The following EXTL3 variants were observed in gnomAD, a reference collection of about 807,000 sequenced individuals.
EXTL3 encodes exostosin-like 3.
A neutral mutation model predicts 69.3 loss-of-function variants in EXTL3; 27 were observed. The ratio of observed to expected loss-of-function variants is 0.39; its 90% CI spans 0.29 to 0.54. The LOEUF (loss-of-function observed/expected upper bound fraction) is 0.54, where lower values mean the gene tolerates loss of function less well. Ranked by LOEUF, EXTL3 falls within the 20% of genes least tolerant of loss-of-function variation. The pLI is 0.69. For missense variants in EXTL3, 1,003 were observed against 1,231.8 expected (o/e 0.81, Z 2.78); for synonymous variants, 511 against 499.4 (o/e 1.02, Z -0.31).
chr8:28,722,487 A>G (rs1054833343), intron 3 of EXTL3, among the ~76,000 whole-genome samples: 1 of 152,134 alleles, frequency 6.6e-6, no homozygotes. Flanking sequence ...CCAAATGAAA[A>G]TGATAGTGCC....
At chr8:28,699,132 G>GCACTACTA (rs1800731826), upstream of EXTL3, among the ~76,000 whole-genome samples, 2 of 152,162 alleles carry the variant, frequency 1.3e-5, no homozygotes, top group African/African-American at 4.8e-5. Flanking sequence ...TCGCACTACT[G>GCACTACTA]CACTACTACA....
At chr8:28,610,215 A>ATGTGTGTG (rs367793242) in intron 2 of EXTL3, among the ~76,000 whole-genome samples, 30,997 of 149,306 alleles carry the variant, frequency 0.21, 3,521 homozygotes, top group Non-Finnish European at 0.27. Context: ...AAATATGTAT[A>ATGTGTGTG]TGTGTGTGTG....
At position 28,743,302 on chromosome 8, in the gene EXTL3, C is replaced by T. The variant is rs111821000; in HGVS notation, c.2550+88C>T. 8.2e-3 allele frequency: 11,522 copies of T among 1,409,864 alleles called. 758 individuals are homozygous for T. In the African/African-American group the frequency reaches 0.14, roughly 17 times the overall value. 87.3% of individuals were successfully genotyped at this position (1,409,864 alleles called of 1,614,324 possible). A position where few individuals can be genotyped will look rare whatever the true frequency, so the allele number is the denominator to read the frequency against. ...AGTGCAGCACGTAACTGCACTGTAC[C>T]TCAGAGTCCTCATTTGTACAATAGG... On this transcript the variant is annotated intron_variant, in intron 6 of 6. Coordinates refer to ENST00000220562, the MANE Select transcript of EXTL3 (RefSeq NM_001440.4).
At chr8:28,669,678 AT>A (rs1230516427) in intron 1 of EXTL3, among the ~76,000 whole-genome samples, 3 of 152,196 alleles carry the variant, frequency 2.0e-5, no homozygotes, top group African/African-American at 7.2e-5. Flanking sequence ...GGGACTGTAC[AT>A]GTTGTTTCCA....
intron 1 of EXTL3, among the ~76,000 whole-genome samples, chr8:28,662,215 T>C (rs778543838): frequency 7.9e-5 from 12 of 152,124 alleles, no homozygotes; most frequent in Non-Finnish European, 1.5e-4. Context: ...AGAAATGTTA[T>C]ATCATTTTTT....
chr8:28,724,258 C>T (rs1030211713), intron 3 of EXTL3, among the ~76,000 whole-genome samples: 13 of 152,182 alleles, frequency 8.5e-5, no homozygotes, highest in Non-Finnish European at 1.5e-5. Flanking sequence ...CTTACCTGCA[C>T]TTGCACTGGG....
intron 3 of EXTL3, among the ~76,000 whole-genome samples, chr8:28,729,968 T>C (rs1295770802): frequency 6.6e-6 from 1 of 152,162 alleles, no homozygotes; most frequent in Non-Finnish European, 1.5e-5. Flanking sequence ...CCAAAGCCCT[T>C]CTAGCTCTGA....
At chr8:28,749,207 A>G (rs1801952560) in intron 6 of EXTL3, among the ~76,000 whole-genome samples, 1 of 152,226 alleles carries the variant, frequency 6.6e-6, no homozygotes, top group Non-Finnish European at 1.5e-5. Context: ...CAAACAGGTT[A>G]TAGTTCTCCA....
intron 4 of EXTL3, among the ~76,000 whole-genome samples, chr8:28,734,201 A>G (rs1486516914): frequency 6.6e-6 from 1 of 152,086 alleles, no homozygotes; most frequent in Non-Finnish European, 1.5e-5. Flanking sequence ...GAGTTGCACA[A>G]TTTTCTCCCA....
chr8:28,698,419 G>GAC (rs1431260603), upstream of EXTL3: 2 of 152,212 alleles, frequency 1.3e-5, no homozygotes, highest in African/African-American at 4.8e-5. Context: ...TGTGGTGTTG[G>GAC]ACACCTTATT....
At chr8:28,736,528 C>G (rs1258834779) in intron 4 of EXTL3, among the ~76,000 whole-genome samples, 5 of 152,186 alleles carry the variant, frequency 3.3e-5, no homozygotes, top group Non-Finnish European at 5.9e-5. Flanking sequence ...ATACTGAAGT[C>G]TCCATTTATT....
At position 28,715,864 on chromosome 8, in the gene EXTL3, T is replaced by A; in HGVS notation, c.-196T>A. The A allele has an allele frequency of 1.7e-6, 1 of 589,532 alleles. No individual in the cohort carries two copies. The highest frequency in any genetic ancestry group is 3.0e-6 in the Non-Finnish European group (1 of 333,228). 36.5% of individuals were successfully genotyped at this position (589,532 alleles called of 1,614,324 possible). ...TGGTCAACAGCCAGAACTTAAAATC[T>A]GCTGGAATAGGGTCAGAGACCATTT... On this transcript the variant is annotated 5_prime_UTR_variant, in exon 3 of 7. Transcript: ENST00000220562.
intron 1 of EXTL3, 39 bp from the exon 2 acceptor site, chr8:28,713,418 C>G: frequency 1.5e-6 from 1 of 670,454 alleles, no homozygotes; most frequent in African/African-American, 1.8e-5. Context: ...TAGTATGTCA[C>G]TGTTCTATTT....
At chr8:28,730,489 T>G (rs1203277025) in intron 3 of EXTL3, among the ~76,000 whole-genome samples, 2 of 146,596 alleles carry the variant, frequency 1.4e-5, no homozygotes, top group African/African-American at 5.5e-5. Flanking sequence ...TAAACTATAC[T>G]TAACTGAGAT....
At chr8:28,726,879 C>CTTTTTTTTTTT (rs11458194) in intron 3 of EXTL3, among the ~76,000 whole-genome samples, 75 of 99,898 alleles carry the variant, frequency 7.5e-4, no homozygotes, top group African/African-American at 1.1e-3. Context: ...CTTTTCTTTT[C>CTTTTTTTTTTT]TTTTTTTTTT....
At chr8:28,670,223 TG>T (rs71549688) in intron 1 of EXTL3, among the ~76,000 whole-genome samples, 5 of 26,030 alleles carry the variant, frequency 1.9e-4, no homozygotes, top group African/African-American at 7.1e-4. Context: ...AAAAAAAGGT[TG>T]GGGGGAGATG....
intron 1 of EXTL3, among the ~76,000 whole-genome samples, chr8:28,658,852 A>C (rs1807057137): frequency 6.6e-6 from 1 of 152,156 alleles, no homozygotes; most frequent in Non-Finnish European, 1.5e-5. Flanking sequence ...AAGTGCTGGG[A>C]TTATAGGCAT....
At chr8:28,725,015 G>C (rs113480223) in intron 3 of EXTL3, among the ~76,000 whole-genome samples, 2,219 of 152,182 alleles carry the variant, frequency 0.015, 54 homozygotes, top group African/African-American at 0.051. Context: ...TGGAGGAAGG[G>C]GATGATGGAG....
At chr8:28,713,729 AATTATCCAAGTTTAG>A (rs1801078317) in intron 2 of EXTL3, among the ~76,000 whole-genome samples, 179 bp downstream of exon 2, 1 of 152,126 alleles carries the variant, frequency 6.6e-6, no homozygotes, top group Admixed American at 6.5e-5. Flanking sequence ...GTCAGCTGCT[AATTATCCAAGTTTAG>A]ATTATCCAAA....
Sources: allele counts gnomAD v4.1 joint callset (sites outside exome capture counted in the v4.1 genomes callset), GRCh38; gene constraint gnomAD v4.1.1; transcripts MANE v1.5; gene names NCBI Gene and HGNC (gene_info 2026-07-23, HGNC 2026-07-21).